The following GLIS3 variants were observed in gnomAD, a reference collection of about 807,000 sequenced individuals.
The protein encoded by GLIS3 is GLIS family zinc finger 3.
Under a neutral mutation model 78.6 loss-of-function variants are expected in GLIS3, and 53 were observed. That is an observed-to-expected ratio of 0.67 (90% CI 0.54 to 0.85). GLIS3 has a LOEUF of 0.85. Among genes scored for constraint, GLIS3 ranks in the 40% least tolerant of loss-of-function variants. The pLI, the probability that GLIS3 is intolerant of heterozygous loss-of-function variation, is 0.00. For missense variants in GLIS3, 1,703 were observed against 1,231.1 expected (o/e 1.38, Z -5.74); for synonymous variants, 684 against 509.9 (o/e 1.34, Z -4.60).
intron 6 of GLIS3, among the ~76,000 whole-genome samples, chr9:3,904,249 A>G (rs1823513056): frequency 6.6e-6 from 1 of 152,190 alleles, no homozygotes; most frequent in African/African-American, 2.4e-5. Context: ...GTTGACTTTA[A>G]AAACAGAAGA....
rs77715070 is a variant in GLIS3, at chr9:4,196,069, G to C, written c.389-70128C>G. On this transcript the variant is annotated intron_variant, in intron 2 of 10. Transcript: ENST00000381971. Reference sequence around the variant, plus strand: ...ATGTCTAGCTAAAGGATTGTGAATGGACCAATCAGCACTCTGTCTAGCTCA... The same window carrying C: ...ATGTCTAGCTAAAGGATTGTGAATGCACCAATCAGCACTCTGTCTAGCTCA... Among the ~76,000 whole-genome samples, 23 of 151,784 alleles carry C rather than the reference G, an allele frequency of 1.5e-4. 1 individual carries two copies. Among genetic ancestry groups the C allele is most frequent in the Middle Eastern group, 3.4e-3 (1 of 294 alleles).
the GLIS3 span, among the ~76,000 whole-genome samples, chr9:4,381,575 A>G: frequency 6.6e-6 from 1 of 152,182 alleles, no homozygotes; most frequent in Non-Finnish European, 1.5e-5. Context: ...ACTCACGCAC[A>G]TTTTGGTACT....
intron 4 of GLIS3, among the ~76,000 whole-genome samples, chr9:4,044,870 G>T (rs77480916): frequency 2.4e-4 from 37 of 152,120 alleles, no homozygotes; most frequent in African/African-American, 8.4e-4. Context: ...AAGTCCCCCA[G>T]GATAATAGAA....
At chr9:3,983,771 G>T (rs1481524535) in intron 4 of GLIS3, among the ~76,000 whole-genome samples, 1 of 152,190 alleles carries the variant, frequency 6.6e-6, no homozygotes, top group Non-Finnish European at 1.5e-5. Flanking sequence ...TTTCTAAGCA[G>T]CAGAGCATTC....
chr9:4,469,272 T>C, the GLIS3 span, among the ~76,000 whole-genome samples: 2 of 152,174 alleles, frequency 1.3e-5, no homozygotes, highest in African/African-American at 4.8e-5. Flanking sequence ...AACTCAGCTC[T>C]GCACCAAGCA....
intron 2 of GLIS3, among the ~76,000 whole-genome samples, chr9:4,332,666 C>T (rs1170946647): frequency 2.0e-5 from 3 of 152,166 alleles, no homozygotes; most frequent in East Asian, 3.8e-4. Context: ...TACCTCTGGA[C>T]TATTAGATGA....
chr9:4,089,306 T>C (rs956215187), intron 4 of GLIS3, among the ~76,000 whole-genome samples: 8 of 152,118 alleles, frequency 5.3e-5, no homozygotes, highest in Non-Finnish European at 1.2e-4. Context: ...AACTGAAAAA[T>C]GAAGATGTCT....
the GLIS3 span, among the ~76,000 whole-genome samples, chr9:4,410,638 C>CA: frequency 1.3e-5 from 2 of 152,180 alleles, no homozygotes; most frequent in African/African-American, 4.8e-5. Flanking sequence ...CATTGTTTTG[C>CA]ATAAATGGAT....
chr9:4,479,558 G>A, the GLIS3 span, among the ~76,000 whole-genome samples: 1 of 152,070 alleles, frequency 6.6e-6, no homozygotes. Flanking sequence ...CTCTAAGGAG[G>A]GTCACTCACC....
chr9:4,466,670 C>G, the GLIS3 span, among the ~76,000 whole-genome samples: 10 of 152,136 alleles, frequency 6.6e-5, no homozygotes, highest in Admixed American at 2.6e-4. Context: ...GTGGAGGTTC[C>G]AAGATGGCTG....
chr9:4,123,936 C>G, intron 3 of GLIS3: 2 of 393,132 alleles, frequency 5.1e-6, no homozygotes, highest in Non-Finnish European at 4.5e-6. Flanking sequence ...AGTTCATGCC[C>G]CCTTTTCCAC....
chr9:4,177,349 A>T (rs1384251320), intron 2 of GLIS3, among the ~76,000 whole-genome samples: 1 of 152,218 alleles, frequency 6.6e-6, no homozygotes, highest in Non-Finnish European at 1.5e-5. Flanking sequence ...TCACAGAATC[A>T]GGAGACCTAG....
chr9:4,303,290 C>CACACAT (rs1554654870), upstream of GLIS3, among the ~76,000 whole-genome samples: 601 of 151,554 alleles, frequency 4.0e-3, 7 homozygotes, highest in African/African-American at 0.014. Flanking sequence ...CACACACACA[C>CACACAT]GAGCTGGCAA....
At chr9:4,405,457 A>T in the GLIS3 span, among the ~76,000 whole-genome samples, 3 of 152,194 alleles carry the variant, frequency 2.0e-5, no homozygotes, top group Admixed American at 6.5e-5. Context: ...GCTATATGCC[A>T]ATAAATTGGA....
chr9:4,373,972 G>T, the GLIS3 span, among the ~76,000 whole-genome samples: 1 of 152,060 alleles, frequency 6.6e-6, no homozygotes, highest in East Asian at 1.9e-4. Context: ...GGCCGAAAAT[G>T]TAATTTTCAA....
the GLIS3 span, among the ~76,000 whole-genome samples, chr9:4,372,097 C>A: frequency 1.9e-4 from 29 of 152,108 alleles, no homozygotes; most frequent in Non-Finnish European, 2.6e-4. Flanking sequence ...GCTATTGAAC[C>A]AGTTCTGCTT....
At chr9:4,115,003 T>C (rs895244402) in intron 4 of GLIS3, among the ~76,000 whole-genome samples, 1 of 152,208 alleles carries the variant, frequency 6.6e-6, no homozygotes, top group East Asian at 1.9e-4. Context: ...GAATGCGTTC[T>C]CTCATGCATG....
the GLIS3 span, among the ~76,000 whole-genome samples, chr9:4,480,451 A>G: frequency 1.3e-5 from 2 of 151,878 alleles, no homozygotes; most frequent in East Asian, 1.9e-4. Context: ...TCCTCCCTTT[A>G]TGGCCTCGCA....
chr9:3,883,002 C>A (rs1386263966), intron 7 of GLIS3, among the ~76,000 whole-genome samples: 3 of 152,066 alleles, frequency 2.0e-5, no homozygotes, highest in Non-Finnish European at 1.5e-5. Context: ...TGCTTGTGAC[C>A]AAGATGATGA....
Sources: allele counts gnomAD v4.1 joint callset (sites outside exome capture counted in the v4.1 genomes callset), GRCh38; gene constraint gnomAD v4.1.1; transcripts MANE v1.5; gene names NCBI Gene and HGNC (gene_info 2026-07-23, HGNC 2026-07-21).